Variants in NUSAP1 observed in about 807,000 individuals in gnomAD.
The protein encoded by NUSAP1 is nucleolar and spindle associated protein 1, also known as nucleolar and spindle-associated protein 1.
NUSAP1 carries 32 observed loss-of-function variants against 52.8 expected under a neutral mutation model. The observed-to-expected ratio is 0.61, with a 90% CI of 0.46 to 0.81. The LOEUF is 0.81. Ranked by LOEUF, NUSAP1 falls within the 40% of genes least tolerant of loss-of-function variation. The probability of loss-of-function intolerance (pLI) is 0.00; values close to 1 mark genes in which losing one functional copy is unlikely to be tolerated. For missense variants in NUSAP1, 499 were observed against 522.3 expected (o/e 0.96, Z 0.43); for synonymous variants, 195 against 183.1 (o/e 1.06, Z -0.52).
intron 10 of NUSAP1, among the ~76,000 whole-genome samples, chr15:41,379,126 G>T (rs1261111465): frequency 3.3e-5 from 5 of 151,270 alleles, no homozygotes; most frequent in Non-Finnish European, 1.5e-5. Flanking sequence ...GCTAATTTTT[G>T]TATTTTTAGT....
intron 4 of NUSAP1, among the ~76,000 whole-genome samples, chr15:41,353,767 C>G (rs1314308290): frequency 6.6e-6 from 1 of 152,168 alleles, no homozygotes; most frequent in African/African-American, 2.4e-5. Flanking sequence ...AGCTCTATAG[C>G]ATATTATACG....
intron 2 of NUSAP1, among the ~76,000 whole-genome samples, chr15:41,348,394 A>C (rs1410468029): frequency 6.6e-6 from 1 of 151,766 alleles, no homozygotes; most frequent in Non-Finnish European, 1.5e-5. Flanking sequence ...ATTTTTAATA[A>C]TTTTAAGTAG....
intron 6 of NUSAP1, among the ~76,000 whole-genome samples, chr15:41,362,497 T>C (rs1276812832): frequency 6.6e-6 from 1 of 150,694 alleles, no homozygotes; most frequent in Non-Finnish European, 1.5e-5. Flanking sequence ...CAATCTCAGC[T>C]CACTGCAAGC....
At chr15:41,371,766 TTTTG>T (rs886948590) in intron 8 of NUSAP1, 82 bp downstream of exon 8, 184 of 1,461,136 alleles carry the variant, frequency 1.3e-4, no homozygotes, top group East Asian at 7.9e-4. Flanking sequence ...TATCTGTTTT[TTTTG>T]TTTGTTTGTT....
chr15:41,354,207 T>G (rs2048877509), intron 4 of NUSAP1, among the ~76,000 whole-genome samples: 1 of 152,122 alleles, frequency 6.6e-6, no homozygotes, highest in Admixed American at 6.6e-5. Flanking sequence ...AGACCTTGTC[T>G]CTTCACAGAA....
chr15:41,349,235 C>T lies in NUSAP1; in HGVS notation c.300C>T (p.Asp100=). Residue 100 remains aspartate, a synonymous_variant, in exon 3 of 11, where the codon GAC becomes GAT. Transcript: ENST00000559596. ...GCAAGACTGTCCGTGTGGACCCTGA[C>T]TCACAGGTGAATGGAAATATACAAA... ...RRCKTVRVDP[D]SQQNHSEIKI... The T allele has an allele frequency of 1.2e-6, 2 of 1,612,700 alleles. No individual in the cohort carries two copies. Among genetic ancestry groups the T allele is most frequent in the Non-Finnish European group, 1.7e-6 (2 of 1,179,394 alleles).
intron 10 of NUSAP1, 82 bp downstream of exon 10, chr15:41,377,386 G>C: frequency 2.7e-6 from 2 of 730,362 alleles, no homozygotes; most frequent in Non-Finnish European, 4.4e-6. Flanking sequence ...AGTAATAGTG[G>C]TGTTTTAAGA....
At chr15:41,333,786 C>T (rs779984915) in intron 1 of NUSAP1, among the ~76,000 whole-genome samples, 4 of 152,152 alleles carry the variant, frequency 2.6e-5, no homozygotes, top group Non-Finnish European at 5.9e-5. Context: ...AAGCTTTTTG[C>T]CTGTGATCCC....
chr15:41,371,714 G>GT, intron 8 of NUSAP1, 30 bp downstream of exon 8: 1 of 1,561,958 alleles, frequency 6.4e-7, no homozygotes, highest in African/African-American at 1.4e-5. Flanking sequence ...AAAGAAATCT[G>GT]TTTCATTTTT....
chr15:41,377,778 GCA>G (rs1567080460), intron 10 of NUSAP1, among the ~76,000 whole-genome samples: 1 of 150,084 alleles, frequency 6.7e-6, no homozygotes, highest in Non-Finnish European at 1.5e-5. Context: ...GCCGAGGGGG[GCA>G]GATCACGAGG....
intron 2 of NUSAP1, among the ~76,000 whole-genome samples, chr15:41,347,400 T>G (rs1347233759): frequency 2.6e-5 from 4 of 152,090 alleles, no homozygotes; most frequent in African/African-American, 9.7e-5. Context: ...GCTCCTGCCT[T>G]TGGGCATTCA....
At chr15:41,379,713 T>G (rs982121937) in intron 10 of NUSAP1, among the ~76,000 whole-genome samples, 3 of 151,760 alleles carry the variant, frequency 2.0e-5, no homozygotes, top group African/African-American at 7.3e-5. Context: ...CCTGGCTACC[T>G]TTTTTGTATT....
intron 6 of NUSAP1, among the ~76,000 whole-genome samples, chr15:41,360,599 A>G (rs2049133869): frequency 6.6e-6 from 1 of 152,052 alleles, no homozygotes; most frequent in Non-Finnish European, 1.5e-5. Context: ...CACAGGCATA[A>G]GCCACGGCGC....
chr15:41,377,217 A>C lies in NUSAP1; in HGVS notation c.1145A>C (p.Gln382Pro). 6.6e-7 allele frequency: 1 copy of C among 1,523,976 alleles called. No individual in the cohort carries two copies. The highest frequency in any genetic ancestry group is 8.8e-7 in the Non-Finnish European group (1 of 1,130,204). The allele number at this position is 1,523,976 out of a possible 1,614,324, so 94.4% of individuals were successfully genotyped here. ...PHKGKLKPWG[Q>P]SKENNYLNQH... Reference sequence around the variant, plus strand: ...CTAGGAAAGCTAAAACCATGGGGGCAATCTAAAGAAAATAATTATCTAAAT... The same window carrying C: ...CTAGGAAAGCTAAAACCATGGGGGCCATCTAAAGAAAATAATTATCTAAAT... Residue 382 changes from glutamine (Q) to proline (P), a missense_variant, in exon 10 of 11, where the codon CAA (glutamine) becomes CCA (proline). Gln to Pro is a moderately conservative substitution (Grantham distance 76). Transcript: ENST00000559596.
chr15:41,355,661 TTTTTTTG>T (rs1184548382), intron 4 of NUSAP1, among the ~76,000 whole-genome samples: 1 of 151,790 alleles, frequency 6.6e-6, no homozygotes, highest in Non-Finnish European at 1.5e-5. Context: ...CACACGTTTT[TTTTTTTG>T]TTTTTGTTTT....
At chr15:41,375,610 C>G (rs2049895865) in intron 8 of NUSAP1, 102 bp from the exon 9 acceptor site, 3 of 797,372 alleles carry the variant, frequency 3.8e-6, no homozygotes, top group Non-Finnish European at 6.4e-6. Flanking sequence ...CATGCCCAGC[C>G]TATAACGTGT....
chr15:41,379,136 T>C (rs1248939906), intron 10 of NUSAP1, among the ~76,000 whole-genome samples: 1 of 151,650 alleles, frequency 6.6e-6, no homozygotes, highest in Non-Finnish European at 1.5e-5. Flanking sequence ...GTATTTTTAG[T>C]AGAGACGGGG....
chr15:41,373,265 G>A (rs192631178), intron 8 of NUSAP1, among the ~76,000 whole-genome samples: 30 of 151,556 alleles, frequency 2.0e-4, no homozygotes, highest in East Asian at 5.9e-4. Flanking sequence ...GTGGTGGCAC[G>A]CGCCTGTAAT....
intron 2 of NUSAP1, among the ~76,000 whole-genome samples, chr15:41,343,882 CT>C (rs755596193): frequency 1.2e-4 from 18 of 151,844 alleles, no homozygotes; most frequent in Non-Finnish European, 2.4e-4. Context: ...ATATCAATTT[CT>C]TTTTTATGGT....
Sources: gnomAD v4.1 joint callset for allele counts (sites outside exome capture counted in the v4.1 genomes callset) on GRCh38, gnomAD v4.1.1 for gene constraint, MANE v1.5 for transcripts, NCBI Gene and HGNC (gene_info 2026-07-23, HGNC 2026-07-21) for gene names.